Variants in PSEN1 observed in about 807,000 individuals in gnomAD.
PSEN1 encodes presenilin 1.
In PSEN1, 15 loss-of-function variants were observed where a neutral mutation model predicts 53.5. That is an observed-to-expected ratio of 0.28 (90% CI 0.19 to 0.43). PSEN1 has a LOEUF of 0.43. PSEN1 is among the 20% of genes least tolerant of loss of function. The probability of loss-of-function intolerance (pLI) is 1.00; values close to 1 mark genes in which losing one functional copy is unlikely to be tolerated. For missense variants in PSEN1, 387 were observed against 571.2 expected (o/e 0.68, Z 3.29); for synonymous variants, 208 against 209.8 (o/e 0.99, Z 0.08).
At chr14:73,185,468 G>A (rs1898469047) in intron 5 of PSEN1, among the ~76,000 whole-genome samples, 1 of 152,232 alleles carries the variant, frequency 6.6e-6, no homozygotes, top group Non-Finnish European at 1.5e-5. Flanking sequence ...GGCGGCGTGA[G>A]TCTGCAATCG....
Position 73,211,886 on chromosome 14 carries a change from G to C in PSEN1, c.1073G>C (p.Arg358Pro), listed in dbSNP as rs63751174. The change falls in exon 10 of 12, where the codon CGA (arginine) becomes CCA (proline). Residue 358 changes from arginine to proline, a missense_variant. Physicochemically the swap from Arg to Pro is moderately radical, Grantham distance 103. Around this residue, in one of 4 missense-constraint regions of PSEN1, gnomAD observed 75 missense variants for 63.7 expected, o/e 1.18. Coordinates refer to ENST00000324501, the MANE Select transcript of PSEN1 (RefSeq NM_000021.4). Reference sequence around the variant, plus strand: ...CCTCATCGCTCTACACCTGAGTCACGAGCTGCTGTCCAGGAACTTTCCAGC... The same window carrying C: ...CCTCATCGCTCTACACCTGAGTCACCAGCTGCTGTCCAGGAACTTTCCAGC... ...LGPHRSTPES[R>P]AAVQELSSSI... is the part of the protein sequence containing the mutation. 9.3e-6 allele frequency: 15 copies of C among 1,613,828 alleles called. No individual in the cohort carries two copies. The highest frequency in any genetic ancestry group is 1.7e-5 in the Admixed American group (1 of 59,978).
intron 1 of PSEN1, chr14:73,138,019 C>T (rs1211218435): frequency 6.6e-6 from 1 of 150,844 alleles, no homozygotes; most frequent in East Asian, 2.0e-4. Context: ...TTGCAGTAAG[C>T]CAAGATTATG....
rs550275535 is a variant in PSEN1 at position 73,215,780 on chromosome 14, G to A, written c.1130-1346G>A. Among the ~76,000 whole-genome samples, 3 of 152,298 alleles carry A rather than the reference G, an allele frequency of 2.0e-5. No homozygotes were observed. In the East Asian group the frequency reaches 5.8e-4, roughly 29 times the overall value. ...CATCATTAATCAGAGTGGCTAGAAT[G>A]AAAAAGGCTAACAATACCAAGAGCT... On this transcript the variant is annotated intron_variant, in intron 10 of 11. Transcript: ENST00000324501.
chr14:73,172,703 T>C (rs979346086), intron 4 of PSEN1, among the ~76,000 whole-genome samples: 3 of 152,206 alleles, frequency 2.0e-5, no homozygotes, highest in East Asian at 1.9e-4. Context: ...TAATAGAAAA[T>C]CAAAACAACT....
chr14:73,209,806 G>A (rs1594753090), intron 9 of PSEN1, among the ~76,000 whole-genome samples: 2 of 152,336 alleles, frequency 1.3e-5, no homozygotes, highest in Admixed American at 6.5e-5. Context: ...GGGACAACAT[G>A]AGCAAGGGCT....
chr14:73,197,005 G>A (rs370352758), intron 7 of PSEN1, among the ~76,000 whole-genome samples: 4 of 147,292 alleles, frequency 2.7e-5, no homozygotes, highest in Non-Finnish European at 4.5e-5. Context: ...CAATCTCGGC[G>A]CACTGCAAGC....
chr14:73,139,651 T>C (rs1185458041), intron 1 of PSEN1, among the ~76,000 whole-genome samples: 3 of 152,220 alleles, frequency 2.0e-5, no homozygotes, highest in African/African-American at 7.2e-5. Context: ...TAACACAATA[T>C]ACCTAACATA....
At chr14:73,197,754 C>T (rs959493447) in intron 7 of PSEN1, 38 of 431,014 alleles carry the variant, frequency 8.8e-5, no homozygotes, top group South Asian at 8.4e-4. Flanking sequence ...AGACTTGTTC[C>T]TATACCCCAG....
chr14:73,216,886 G>A (rs563199097), intron 10 of PSEN1, among the ~76,000 whole-genome samples: 6 of 152,150 alleles, frequency 3.9e-5, no homozygotes, highest in African/African-American at 1.4e-4. Context: ...ACTTATTATT[G>A]TTATTGATAA....
chr14:73,153,934 G>A (rs1020148046), intron 3 of PSEN1, among the ~76,000 whole-genome samples: 2 of 151,784 alleles, frequency 1.3e-5, no homozygotes, highest in Non-Finnish European at 2.9e-5. Context: ...GGCTGGTCTC[G>A]AACTCCTGAC....
chr14:73,160,775 G>GT lies in PSEN1; in HGVS notation c.88-10015dup, dbSNP rs1386620215. On this transcript the variant is annotated intron_variant, in intron 3 of 11. Coordinates refer to ENST00000324501, the MANE Select transcript of PSEN1 (RefSeq NM_000021.4). The stretch of plus-strand genomic sequence containing the variant: ...CCCATCTAAAAAAATCTGATGATTT[G>GT]TTTTTTTCCAATTGTTTAATTGTAG... 1.5e-4 allele frequency among the ~76,000 whole-genome samples: 13 copies of GT among 88,660 alleles called. No individual in the cohort carries two copies. In the South Asian group the frequency reaches 4.2e-3, roughly 29 times the overall value. The allele number at this position is 88,660 out of a possible 152,430, so 58.2% of individuals were successfully genotyped here.
intron 10 of PSEN1, 48 bp from the exon 11 acceptor site, chr14:73,217,078 T>C: frequency 6.2e-7 from 1 of 1,601,292 alleles, no homozygotes; most frequent in Non-Finnish European, 8.6e-7. Flanking sequence ...TGTGAAATCA[T>C]AGCAAAGAGT....
At chr14:73,208,747 G>A (rs1899554933) in intron 9 of PSEN1, 3 of 431,460 alleles carry the variant, frequency 7.0e-6, no homozygotes, top group South Asian at 3.4e-5. Context: ...TGTGGAACTG[G>A]GAGCTTGGCC....
chr14:73,145,449 C>T (rs915327314), intron 1 of PSEN1, among the ~76,000 whole-genome samples: 2 of 152,090 alleles, frequency 1.3e-5, no homozygotes, highest in African/African-American at 4.8e-5. Flanking sequence ...ATCCTTCCAC[C>T]TCAGCCTCCT....
chr14:73,206,753 TTTTG>T (rs1211187213), intron 9 of PSEN1, among the ~76,000 whole-genome samples: 3 of 152,218 alleles, frequency 2.0e-5, no homozygotes, highest in Non-Finnish European at 4.4e-5. Flanking sequence ...TGTTTTTGTT[TTTTG>T]TTTGTTTTTT....
intron 7 of PSEN1, among the ~76,000 whole-genome samples, chr14:73,196,752 A>G (rs1898963056): frequency 6.6e-6 from 1 of 151,850 alleles, no homozygotes; most frequent in Non-Finnish European, 1.5e-5. Flanking sequence ...TGGAATTACA[A>G]GCATAAGCCA....
intron 1 of PSEN1, among the ~76,000 whole-genome samples, chr14:73,137,734 G>A (rs1896786305): frequency 6.6e-6 from 1 of 152,190 alleles, no homozygotes. Context: ...GATTTTGAGT[G>A]TTAGGCCTGG....
intron 9 of PSEN1, 70 bp downstream of exon 9, chr14:73,206,542 GT>G: frequency 9.4e-7 from 1 of 1,060,378 alleles, no homozygotes; most frequent in Non-Finnish European, 1.4e-6. Flanking sequence ...GTATAGCAAT[GT>G]TTTTATCGTC....
chr14:73,138,173 T>A (rs1231103295), intron 1 of PSEN1: 1 of 151,018 alleles, frequency 6.6e-6, no homozygotes, highest in South Asian at 2.1e-4. Context: ...CTATTTTAAA[T>A]TTTCTAATAA....
Sources: allele counts gnomAD v4.1 joint callset (sites outside exome capture counted in the v4.1 genomes callset), GRCh38; gene constraint gnomAD v4.1.1; regional missense constraint gnomAD v4.1.1; transcripts MANE v1.5; gene names NCBI Gene and HGNC (gene_info 2026-07-23, HGNC 2026-07-21).